Variants in BCKDHB observed in about 807,000 individuals in gnomAD.
BCKDHB encodes the protein 2-oxoisovalerate dehydrogenase subunit beta, mitochondrial.
Under a neutral mutation model 48.5 loss-of-function variants are expected in BCKDHB, and 41 were observed. The observed-to-expected ratio is 0.85, with a 90% CI of 0.66 to 1.10. BCKDHB has a LOEUF of 1.10. Among genes scored for constraint, BCKDHB ranks in the 50% least tolerant of loss-of-function variants. BCKDHB has a pLI of 0.00. For missense variants in BCKDHB, 496 were observed against 494.2 expected, an observed-to-expected ratio of 1.00 and a Z score of -0.03; for synonymous variants, 201 against 174.8, an observed-to-expected ratio of 1.15 and a Z score of -1.18.
intron 9 of BCKDHB, among the ~76,000 whole-genome samples, chr6:80,325,781 A>T (rs1430619553): frequency 6.6e-6 from 1 of 152,224 alleles, no homozygotes; most frequent in Non-Finnish European, 1.5e-5. Flanking sequence ...CATGAGCAAA[A>T]ATCTCATAAC....
At chr6:80,126,095 A>G (rs1184725873) in intron 1 of BCKDHB, among the ~76,000 whole-genome samples, 1 of 152,168 alleles carries the variant, frequency 6.6e-6, no homozygotes, top group South Asian at 2.1e-4. Flanking sequence ...TTTTGCCATA[A>G]GTGATATAAA....
chr6:80,310,061 T>C (rs540427732), intron 9 of BCKDHB, among the ~76,000 whole-genome samples: 1 of 152,168 alleles, frequency 6.6e-6, no homozygotes, highest in African/African-American at 2.4e-5. Context: ...TGATATTGCA[T>C]GGTGTATATA....
At chr6:80,339,516 C>T (rs1405417087) in intron 9 of BCKDHB, among the ~76,000 whole-genome samples, 1 of 152,174 alleles carries the variant, frequency 6.6e-6, no homozygotes, top group Non-Finnish European at 1.5e-5. Context: ...TGTTATTTCA[C>T]ATTGTTTGCT....
the BCKDHB span, among the ~76,000 whole-genome samples, chr6:80,376,201 G>A: frequency 6.6e-6 from 1 of 151,946 alleles, no homozygotes; most frequent in Non-Finnish European, 1.5e-5. Context: ...GGGGGATGGG[G>A]GTGTGGTTCC....
the BCKDHB span, among the ~76,000 whole-genome samples, chr6:80,425,770 A>C: frequency 6.6e-6 from 1 of 152,160 alleles, no homozygotes; most frequent in Non-Finnish European, 1.5e-5. Flanking sequence ...TGTATTTGGA[A>C]AGGGGGATAA....
Position 80,335,245 on chromosome 6 carries a change from A to G in BCKDHB, c.1039-8419A>G, listed in dbSNP as rs79028970. 8.8e-4 allele frequency among the ~76,000 whole-genome samples: 93 copies of G among 105,764 alleles called. 4 individuals are homozygous for G. The highest frequency in any genetic ancestry group is 1.8e-3 in the African/African-American group (66 of 37,262). 69.4% of individuals were successfully genotyped at this position (105,764 alleles called of 152,430 possible). The stretch of plus-strand genomic sequence containing the variant: ...GAATTTTGTGGGAAAAAAAAAAAAA[A>G]AAGAAGAAAAATTGAATGCTTTGTA... On this transcript the variant is annotated intron_variant, in intron 9 of 9. Coordinates refer to ENST00000320393, the MANE Select transcript of BCKDHB (RefSeq NM_183050.4).
At chr6:80,437,317 T>A in the BCKDHB span, among the ~76,000 whole-genome samples, 26 of 152,350 alleles carry the variant, frequency 1.7e-4, no homozygotes, top group Admixed American at 1.7e-3. Flanking sequence ...TTATCATTCA[T>A]CTTAAGATTA....
intron 3 of BCKDHB, among the ~76,000 whole-genome samples, chr6:80,136,507 A>G (rs1483379239): frequency 6.6e-6 from 1 of 152,190 alleles, no homozygotes; most frequent in Non-Finnish European, 1.5e-5. Context: ...AAACTCTTAG[A>G]AGAAAATGTA....
intron 3 of BCKDHB, among the ~76,000 whole-genome samples, chr6:80,141,656 G>A (rs1298876374): frequency 6.6e-6 from 1 of 152,030 alleles, no homozygotes; most frequent in Non-Finnish European, 1.5e-5. Context: ...TTGGATTAAA[G>A]TGAACAAGGA....
intron 8 of BCKDHB, among the ~76,000 whole-genome samples, chr6:80,226,346 T>A (rs1562153264): frequency 6.6e-6 from 1 of 152,220 alleles, no homozygotes; most frequent in Admixed American, 6.5e-5. Context: ...TAAATTGTGG[T>A]CTGTAACAAT....
At chr6:80,292,739 C>G (rs185289980) in intron 9 of BCKDHB, among the ~76,000 whole-genome samples, 16 of 152,142 alleles carry the variant, frequency 1.1e-4, no homozygotes, top group Admixed American at 9.8e-4. Context: ...AAGGCAAGTC[C>G]CTTACACCTG....
intron 8 of BCKDHB, among the ~76,000 whole-genome samples, chr6:80,250,181 A>G (rs957743514): frequency 1.3e-5 from 2 of 152,090 alleles, no homozygotes; most frequent in African/African-American, 2.4e-5. Flanking sequence ...CTCACAGCCA[A>G]TATTCTTGAT....
At chr6:80,392,385 C>T in the BCKDHB span, among the ~76,000 whole-genome samples, 660 of 151,266 alleles carry the variant, frequency 4.4e-3, no homozygotes, top group Middle Eastern at 0.041. Flanking sequence ...TTATTTTGAA[C>T]TTTCCTTTAT....
At chr6:80,225,626 C>T (rs1756953790) in intron 8 of BCKDHB, among the ~76,000 whole-genome samples, 1 of 152,128 alleles carries the variant, frequency 6.6e-6, no homozygotes, top group South Asian at 2.1e-4. Flanking sequence ...TACTTTGTAT[C>T]TGTGAAAGAT....
chr6:80,181,319 G>A (rs1205142819), intron 6 of BCKDHB, among the ~76,000 whole-genome samples: 2 of 151,920 alleles, frequency 1.3e-5, no homozygotes, highest in African/African-American at 2.4e-5. Context: ...TATAATTAAG[G>A]CATTGGTTTA....
chr6:80,318,700 AAAAAG>A (rs1394183237), intron 9 of BCKDHB, among the ~76,000 whole-genome samples: 5,991 of 150,460 alleles, frequency 0.04, 431 homozygotes, highest in African/African-American at 0.14. Context: ...AAAAAAAAAA[AAAAAG>A]AAAAGAAATT....
chr6:80,266,346 A>C (rs1777512970), intron 8 of BCKDHB, among the ~76,000 whole-genome samples: 1 of 152,146 alleles, frequency 6.6e-6, no homozygotes, highest in Non-Finnish European at 1.5e-5. Context: ...GGCAGAAATA[A>C]TTATGTTGCT....
chr6:80,201,339 C>T (rs1237950298), intron 7 of BCKDHB, among the ~76,000 whole-genome samples: 1 of 151,846 alleles, frequency 6.6e-6, no homozygotes, highest in East Asian at 1.9e-4. Flanking sequence ...GGGGTGGGGG[C>T]GAGGACACTT....
At chr6:80,213,674 T>C (rs1299007842) in intron 8 of BCKDHB, among the ~76,000 whole-genome samples, 3 of 151,794 alleles carry the variant, frequency 2.0e-5, no homozygotes, top group Non-Finnish European at 4.4e-5. Flanking sequence ...TTTTGTTTTT[T>C]TTTTTTTAAT....
Sources: gnomAD v4.1 joint callset for allele counts (sites outside exome capture counted in the v4.1 genomes callset) on GRCh38, gnomAD v4.1.1 for gene constraint, MANE v1.5 for transcripts, NCBI Gene and HGNC (gene_info 2026-07-23, HGNC 2026-07-21) for gene names.